The following MEAK7 variants were observed in gnomAD, a reference collection of about 807,000 sequenced individuals.
MEAK7 encodes MTOR associated protein MEAK7.
Under a neutral mutation model 40.5 loss-of-function variants are expected in MEAK7, and 68 were observed. That is an observed-to-expected ratio of 1.68 (90% CI 1.38 to 2.06). The LOEUF is 2.06. Ranked by LOEUF, MEAK7 falls within the 30% of genes most tolerant of loss-of-function variation. The pLI is 0.00. For missense variants in MEAK7, 918 were observed against 580.5 expected, an observed-to-expected ratio of 1.58 and a Z score of -5.98; for synonymous variants, 338 against 231.9, an observed-to-expected ratio of 1.46 and a Z score of -4.16.
chr16:84,482,175 A>C (rs577480946), intron 6 of MEAK7, among the ~76,000 whole-genome samples: 1 of 152,066 alleles, frequency 6.6e-6, no homozygotes, highest in African/African-American at 2.4e-5. Flanking sequence ...CGGTCACCCC[A>C]ACTGGGGCCC....
At chr16:84,496,233 T>C (rs1914037544) in intron 2 of MEAK7, among the ~76,000 whole-genome samples, 1 of 152,192 alleles carries the variant, frequency 6.6e-6, no homozygotes, top group African/African-American at 2.4e-5. Flanking sequence ...CATGGTGCCC[T>C]GCATTTACTT....
intron 4 of MEAK7, among the ~76,000 whole-genome samples, chr16:84,488,678 A>G (rs1913301650): frequency 6.6e-6 from 1 of 152,218 alleles, no homozygotes; most frequent in Admixed American, 6.5e-5. Context: ...TAAATAACAC[A>G]CTGTTACATA....
intron 4 of MEAK7, among the ~76,000 whole-genome samples, chr16:84,488,833 AAAG>A (rs1237501083): frequency 2.0e-5 from 3 of 152,230 alleles, no homozygotes; most frequent in South Asian, 2.1e-4. Flanking sequence ...CTTATTTGAA[AAAG>A]AAGATCTCGA....
intron 4 of MEAK7, among the ~76,000 whole-genome samples, chr16:84,488,755 C>T (rs1287107433): frequency 1.3e-5 from 2 of 152,094 alleles, no homozygotes; most frequent in East Asian, 1.9e-4. Flanking sequence ...AAAATAAAAA[C>T]ATAACCTATC....
In MEAK7 at chr16:84,504,613, C is replaced by T; in HGVS notation, c.-38G>A. The T allele has an allele frequency of 1.0e-6, 1 of 985,678 alleles. No individual in the cohort carries two copies. Among genetic ancestry groups the T allele is most frequent in the African/African-American group, 1.7e-5 (1 of 57,374 alleles). The allele number at this position is 985,678 out of a possible 1,614,324, so 61.1% of individuals were successfully genotyped here. ...CCCAGGTACCTACCCTGCCGGGCTT[C>T]CTGGTGCTGTCCGGTCCGGTCCAGC... On this transcript the variant is annotated 5_prime_UTR_variant, in exon 1 of 8. Coordinates refer to ENST00000343629, the MANE Select transcript of MEAK7 (RefSeq NM_020947.4).
chr16:84,489,551 G>T, intron 3 of MEAK7, 129 bp from the exon 4 acceptor site: 1 of 1,088,260 alleles, frequency 9.2e-7, no homozygotes, highest in Non-Finnish European at 1.3e-6. Context: ...GAAAGGTCAT[G>T]CAATGTATGT....
chr16:84,487,131 G>A (rs1913159995), intron 4 of MEAK7, 72 bp from the exon 5 acceptor site: 2 of 1,470,676 alleles, frequency 1.4e-6, no homozygotes, highest in South Asian at 1.3e-5. Flanking sequence ...AACCCACACT[G>A]ATCAGTGTGG....
intron 3 of MEAK7, among the ~76,000 whole-genome samples, chr16:84,493,434 G>T (rs970758363): frequency 6.6e-6 from 1 of 152,198 alleles, no homozygotes; most frequent in Admixed American, 6.5e-5. Context: ...GAGGATTGCC[G>T]ATCCAATATC....
rs540635236 is a variant in MEAK7 at position 84,497,670 on chromosome 16, T to C, written c.153+264A>G. 1,015 of 1,460,710 alleles carry C rather than the reference T, an allele frequency of 6.9e-4. 12 individuals are homozygous for C. In the South Asian group the frequency reaches 7.6e-3, roughly 11 times the overall value. The allele number at this position is 1,460,710 out of a possible 1,614,324, so 90.5% of individuals were successfully genotyped here. ...TTTCTGTAGTACAGATAAGAGACTA[T>C]TGATTTCAAAAACGGGGAGGGATGC... On this transcript the variant is annotated intron_variant, in intron 2 of 7. Coordinates refer to ENST00000343629, the MANE Select transcript of MEAK7 (RefSeq NM_020947.4).
chr16:84,486,756 C>G lies in MEAK7; in HGVS notation c.833G>C (p.Ser278Thr). The change falls in exon 5 of 8, where the codon AGC becomes ACC. Residue 278 changes from serine (S) to threonine (T), a missense_variant. By Grantham distance (58) the Ser-to-Thr change is moderately conservative. Coordinates refer to ENST00000343629, the MANE Select transcript of MEAK7 (RefSeq NM_020947.4). ...LLFSSELHGH[S>T]FSQLCGHITH... ...GATGTGGCCACAGAGCTGGGAGAAG[C>G]TGTGTCCATGGAGCTCAGACGAAAA... 1.2e-6 allele frequency: 2 copies of G among 1,614,038 alleles called. No individual in the cohort carries two copies. Among genetic ancestry groups the G allele is most frequent in the Non-Finnish European group, 1.7e-6 (2 of 1,179,898 alleles).
chr16:84,504,238 G>A (rs1336211949), intron 1 of MEAK7: 7 of 828,282 alleles, frequency 8.5e-6, no homozygotes, highest in Admixed American at 6.2e-5. Context: ...CGCCTCCTCC[G>A]TGGAGGCACC....
intron 3 of MEAK7, among the ~76,000 whole-genome samples, chr16:84,489,835 C>T (rs1482396590): frequency 1.3e-5 from 2 of 152,230 alleles, no homozygotes; most frequent in East Asian, 1.9e-4. Context: ...AAAAGGAAGG[C>T]AAGTCTTCCT....
intron 3 of MEAK7, among the ~76,000 whole-genome samples, chr16:84,490,842 A>C (rs539719537): frequency 6.6e-6 from 1 of 152,148 alleles, no homozygotes; most frequent in East Asian, 1.9e-4. Flanking sequence ...CGCTGTATGA[A>C]GGACCTAAAA....
intron 3 of MEAK7, among the ~76,000 whole-genome samples, chr16:84,493,385 G>C (rs1444079976): frequency 3.9e-5 from 6 of 152,190 alleles, no homozygotes; most frequent in Admixed American, 3.9e-4. Context: ...GGAATAGAAA[G>C]GAAAACTTCT....
chr16:84,498,756 A>C (rs1914262689), intron 1 of MEAK7, among the ~76,000 whole-genome samples: 1 of 152,204 alleles, frequency 6.6e-6, no homozygotes, highest in South Asian at 2.1e-4. Flanking sequence ...TAATCAATCT[A>C]AATATTCATT....
At position 84,486,402 on chromosome 16, in the gene MEAK7, G is replaced by A. The variant is rs905028052; in HGVS notation, c.958+229C>T. The A allele has an allele frequency of 1.1e-5, 14 of 1,320,950 alleles. No homozygotes were observed. The Admixed American group carries it at 2.2e-4, about 21-fold the overall frequency. The allele number at this position is 1,320,950 out of a possible 1,614,324, so 81.8% of individuals were successfully genotyped here. A position where few individuals can be genotyped will look rare whatever the true frequency, so the allele number is the denominator to read the frequency against. ...ATAGACCCGGCACCGTGTAATAACT[G>A]GGCCCGTGTCCTCGCCTGAAAACTG... is the stretch of plus-strand genomic sequence containing the variant. On this transcript the variant is annotated intron_variant, in intron 5 of 7. Transcript: ENST00000343629.
Position 84,497,988 on chromosome 16 carries a change from T to C in MEAK7, c.99A>G (p.Ser33=). 1 of 1,614,180 alleles carries C rather than the reference T, an allele frequency of 6.2e-7. No individual in the cohort carries two copies. The highest frequency in any genetic ancestry group is 8.5e-7 in the Non-Finnish European group (1 of 1,180,028). ...EIDQLFDALS[S]DKNSPNVSSK... Reference sequence around the variant, plus strand: ...ATGAGACATTCGGGCTGTTTTTATCTGATGACAGAGCATCAAACAATTGAT... The same window carrying C: ...ATGAGACATTCGGGCTGTTTTTATCCGATGACAGAGCATCAAACAATTGAT... The change falls in exon 2 of 8, where the codon TCA becomes TCG. Residue 33 remains serine (S), a synonymous_variant. Transcript: ENST00000343629.
intron 3 of MEAK7, among the ~76,000 whole-genome samples, chr16:84,490,942 A>G (rs1913544227): frequency 6.7e-6 from 1 of 150,134 alleles, no homozygotes; most frequent in Admixed American, 6.7e-5. Flanking sequence ...CAGAACCCCA[A>G]AGTTATAAAC....
Position 84,479,107 on chromosome 16 carries a change from A to G in MEAK7, c.*806T>C, listed in dbSNP as rs1461370486. ...AGCTGGGTGTGGAACCTTATTACAAATACCTTCTGAGGACTCATGCCACCA... is the reference window on the plus strand; with the variant it reads ...AGCTGGGTGTGGAACCTTATTACAAGTACCTTCTGAGGACTCATGCCACCA... On this transcript the variant is annotated 3_prime_UTR_variant, in exon 8 of 8. Transcript: ENST00000343629. 1 of 152,186 alleles carries G rather than the reference A, an allele frequency of 6.6e-6. No individual in the cohort carries two copies. The highest frequency in any genetic ancestry group is 2.1e-4 in the South Asian group (1 of 4,830). The allele number at this position is 152,186 out of a possible 1,614,324, so 9.4% of individuals were successfully genotyped here.
Sources: allele counts gnomAD v4.1 joint callset (sites outside exome capture counted in the v4.1 genomes callset), GRCh38; gene constraint gnomAD v4.1.1; transcripts MANE v1.5; gene names NCBI Gene and HGNC (gene_info 2026-07-23, HGNC 2026-07-21).